DNAH7: variants seen among roughly 807,000 people sequenced by gnomAD.
The protein encoded by DNAH7 is dynein axonemal heavy chain 7, also known as axonemal beta dynein heavy chain 7.
DNAH7 carries 397 observed loss-of-function variants against 444.6 expected under a neutral mutation model. That is an observed-to-expected ratio of 0.89 (90% CI 0.82 to 0.97). The LOEUF (loss-of-function observed/expected upper bound fraction) is 0.97, where lower values mean the gene tolerates loss of function less well. DNAH7 is among the 50% of genes least tolerant of loss of function. The pLI, the probability that DNAH7 is intolerant of heterozygous loss-of-function variation, is 0.00. For missense variants in DNAH7, 4,902 were observed against 4,800.8 expected (o/e 1.02, Z -0.62); for synonymous variants, 1,636 against 1,624.4 (o/e 1.01, Z -0.17).
At chr2:195,799,259 A>T (rs752675480) in intron 55 of DNAH7, 37 bp downstream of exon 55, 1 of 1,434,048 alleles carries the variant, frequency 7.0e-7, no homozygotes, top group Non-Finnish European at 9.2e-7. Context: ...TTGCTTTTTT[A>T]AAATAATATC....
At chr2:195,964,710 CAAA>C (rs60376875) in intron 17 of DNAH7, among the ~76,000 whole-genome samples, 1 of 127,446 alleles carries the variant, frequency 7.8e-6, no homozygotes, top group Non-Finnish European at 1.6e-5. Context: ...ACTAAAAATA[CAAA>C]AAAAAAAAAA....
chr2:195,840,704 T>C (rs1217559840), intron 47 of DNAH7, among the ~76,000 whole-genome samples: 1 of 151,820 alleles, frequency 6.6e-6, no homozygotes, highest in Non-Finnish European at 1.5e-5. Flanking sequence ...TCCTAATGAA[T>C]AGTTGAACAC....
intron 58 of DNAH7, among the ~76,000 whole-genome samples, chr2:195,784,463 C>T (rs903904380): frequency 2.0e-5 from 3 of 152,178 alleles, no homozygotes; most frequent in Non-Finnish European, 2.9e-5. Flanking sequence ...AATAATATCC[C>T]ATTGTCTGAA....
chr2:195,942,156 C>CA (rs1331041950), intron 19 of DNAH7, among the ~76,000 whole-genome samples: 1 of 151,764 alleles, frequency 6.6e-6, no homozygotes, highest in African/African-American at 2.4e-5. Context: ...TAAGAAGTGC[C>CA]AAAAAAGTCA....
At chr2:195,885,639 G>A (rs944095522) in intron 34 of DNAH7, among the ~76,000 whole-genome samples, 4 of 152,052 alleles carry the variant, frequency 2.6e-5, no homozygotes, top group Admixed American at 6.5e-5. Context: ...AAAGTCTACT[G>A]ATATTTTTAT....
intron 47 of DNAH7, among the ~76,000 whole-genome samples, chr2:195,835,732 T>C (rs1391216776): frequency 1.3e-5 from 2 of 152,068 alleles, no homozygotes; most frequent in African/African-American, 2.4e-5. Flanking sequence ...TAATCCCAGC[T>C]ACTCAAGAGG....
intron 38 of DNAH7, among the ~76,000 whole-genome samples, 157 bp from the exon 39 acceptor site, chr2:195,873,851 CTA>C (rs1478051859): frequency 3.9e-5 from 6 of 152,202 alleles, no homozygotes; most frequent in African/African-American, 1.4e-4. Context: ...GACATCAAAA[CTA>C]TTTTTCCCTC....
chr2:195,906,604 A>G (rs1687039862), intron 27 of DNAH7, 55 bp downstream of exon 27: 1 of 1,556,366 alleles, frequency 6.4e-7, no homozygotes, highest in African/African-American at 1.4e-5. Context: ...CTTTTCATAT[A>G]TTAACTTTGT....
At chr2:195,862,923 C>A (rs1700107720) in intron 41 of DNAH7, among the ~76,000 whole-genome samples, 1 of 152,162 alleles carries the variant, frequency 6.6e-6, no homozygotes, top group Non-Finnish European at 1.5e-5. Context: ...GTAATCCCAG[C>A]TACTTGGGAG....
At chr2:195,992,021 C>T (rs1055643940) in intron 12 of DNAH7, among the ~76,000 whole-genome samples, 7 of 152,126 alleles carry the variant, frequency 4.6e-5, no homozygotes, top group Admixed American at 3.9e-4. Flanking sequence ...CATTACCTTA[C>T]AAAAAGTTTC....
Position 195,894,986 on chromosome 2 carries a change from A to G in DNAH7, c.4886T>C (p.Ile1629Thr), listed in dbSNP as rs1702220367. 2 of 1,603,590 alleles carry G rather than the reference A, an allele frequency of 1.2e-6. No individual in the cohort carries two copies. The highest frequency in any genetic ancestry group is 1.7e-6 in the Non-Finnish European group (2 of 1,173,910). The change falls in exon 30 of 65, where the codon ATA (isoleucine) becomes ACA (threonine). Residue 1629 changes from isoleucine (I) to threonine (T), a missense_variant. Coordinates refer to ENST00000312428, the MANE Select transcript of DNAH7 (RefSeq NM_018897.3). ...YRVLAGALNDICEKGLMEENK... is the reference protein window; with the variant it reads ...YRVLAGALNDTCEKGLMEENK... ...TAATAATATACTTGCCTTTTCACAT[A>G]TATCATTTAGTGCTCCAGCTAAGAC...
At position 195,934,701 on chromosome 2, in the gene DNAH7, C is replaced by A. The variant is rs372668189; in HGVS notation, c.3361G>T (p.Glu1121Ter). 1 of 1,614,100 alleles carries A rather than the reference C, an allele frequency of 6.2e-7. No individual in the cohort carries two copies. The highest frequency in any genetic ancestry group is 1.7e-5 in the Admixed American group (1 of 60,008). The change falls in exon 21 of 65, where the codon GAA becomes TAA. Residue 1121 changes from glutamate (E) to a stop codon, truncating the protein, a stop_gained. Transcript: ENST00000312428. LOFTEE classifies it high-confidence loss of function. ...TLDITHMKSS[E>*]GEVVELIEII... is the part of the protein sequence containing the mutation. ...TCTATGAGTTCTACAACCTCTCCTT[C>A]GCTGCTCTTCATGTGAGTAATGTCT... is the stretch of plus-strand genomic sequence containing the variant.
intron 40 of DNAH7, among the ~76,000 whole-genome samples, chr2:195,869,342 T>C (rs1392400213): frequency 6.6e-6 from 1 of 151,724 alleles, no homozygotes; most frequent in African/African-American, 2.4e-5. Context: ...CCTCATATTT[T>C]TAAAGATGTT....
At chr2:196,064,595 C>T (rs1235121481) in intron 1 of DNAH7, among the ~76,000 whole-genome samples, 5 of 152,186 alleles carry the variant, frequency 3.3e-5, no homozygotes, top group Admixed American at 2.0e-4. Context: ...TTTATCATTC[C>T]TATGCAAATT....
At chr2:195,906,305 T>C (rs11887275) in intron 27 of DNAH7, among the ~76,000 whole-genome samples, 9,218 of 151,956 alleles carry the variant, frequency 0.061, 366 homozygotes, top group African/African-American at 0.12. Context: ...ACTCAAAGCT[T>C]TAAAAATTGT....
In DNAH7 at chr2:195,834,254, G is replaced by T. The variant is rs1249151660; in HGVS notation, c.9052C>A (p.Pro3018Thr). Residue 3018 changes from proline (P) to threonine (T), a missense_variant, in exon 48 of 65, where the codon CCT (proline) becomes ACT (threonine). Physicochemically the swap from Pro to Thr is conservative, Grantham distance 38. Coordinates refer to ENST00000312428, the MANE Select transcript of DNAH7 (RefSeq NM_018897.3). Reference protein sequence around the residue: ...NSLYVIKLSEPDYVRTLENCI... With the variant: ...NSLYVIKLSETDYVRTLENCI... ...TTTTCCAGAGTCCTGACATAGTCAG[G>T]TTCACTAAGTTTAATCACATAAAGA... 1 of 1,608,362 alleles carries T rather than the reference G, an allele frequency of 6.2e-7. No individual in the cohort carries two copies. Among genetic ancestry groups the T allele is most frequent in the Admixed American group, 1.7e-5 (1 of 59,962 alleles).
At chr2:195,951,667 A>G (rs185661197) in intron 19 of DNAH7, among the ~76,000 whole-genome samples, 374 of 152,152 alleles carry the variant, frequency 2.5e-3, no homozygotes, top group Non-Finnish European at 4.5e-3. Context: ...TTCTTGTTGT[A>G]TTGATCCCTT....
intron 62 of DNAH7, among the ~76,000 whole-genome samples, chr2:195,755,850 C>G (rs1694042259): frequency 6.6e-6 from 1 of 152,182 alleles, no homozygotes; most frequent in Non-Finnish European, 1.5e-5. Context: ...TCACTGGAAG[C>G]TTGACTGGCT....
chr2:195,800,913 G>GT (rs1405617887), intron 54 of DNAH7, among the ~76,000 whole-genome samples: 5 of 152,118 alleles, frequency 3.3e-5, no homozygotes, highest in Admixed American at 6.5e-5. Flanking sequence ...TTTCTCCTTT[G>GT]TTTTTTCAAA....
Sources: allele counts gnomAD v4.1 joint callset (sites outside exome capture counted in the v4.1 genomes callset), GRCh38; gene constraint gnomAD v4.1.1; transcripts MANE v1.5; gene names NCBI Gene and HGNC (gene_info 2026-07-23, HGNC 2026-07-21).